ABCC1: variants seen among roughly 807,000 people sequenced by gnomAD.
The protein encoded by ABCC1 is ATP binding cassette subfamily C member 1 (ABCC1 blood group).
A neutral mutation model predicts 172.9 loss-of-function variants in ABCC1; 83 were observed. The observed-to-expected ratio is 0.48, with a 90% CI of 0.40 to 0.58. The LOEUF (loss-of-function observed/expected upper bound fraction) is 0.58. ABCC1 is among the 20% of genes least tolerant of loss of function. ABCC1 has a pLI of 0.00. For synonymous variants in ABCC1, 937 were observed against 825.2 expected (o/e 1.14, Z -2.32); for missense variants, 1,817 against 2,002.7 (o/e 0.91, Z 1.77).
intron 5 of ABCC1, among the ~76,000 whole-genome samples, chr16:16,031,248 C>T (rs893293573): frequency 6.6e-6 from 1 of 152,166 alleles, no homozygotes; most frequent in African/African-American, 2.4e-5. Flanking sequence ...CTTATATCTG[C>T]ACAAGGCTGG....
At chr16:15,995,806 T>A (rs1224244982) in intron 1 of ABCC1, among the ~76,000 whole-genome samples, 1 of 151,858 alleles carries the variant, frequency 6.6e-6, no homozygotes, top group Non-Finnish European at 1.5e-5. Flanking sequence ...TAGCTGGGAC[T>A]AAAGGCAAAC....
intron 1 of ABCC1, among the ~76,000 whole-genome samples, chr16:15,968,113 C>A (rs1453303268): frequency 6.6e-6 from 1 of 152,052 alleles, no homozygotes; most frequent in Non-Finnish European, 1.5e-5. Context: ...CGGCAACCTC[C>A]ACCTCCCAAG....
At chr16:16,131,680 T>G in intron 26 of ABCC1, 109 bp from the exon 27 acceptor site, 2 of 1,337,708 alleles carry the variant, frequency 1.5e-6, no homozygotes, top group Non-Finnish European at 2.0e-6. Flanking sequence ...TGCTGAGGCC[T>G]GGGAGGCCAC....
intron 23 of ABCC1, among the ~76,000 whole-genome samples, chr16:16,117,166 T>C (rs946820395): frequency 2.6e-5 from 4 of 152,128 alleles, no homozygotes; most frequent in Non-Finnish European, 4.4e-5. Flanking sequence ...CAATACTGGG[T>C]AATTTATTAA....
intron 2 of ABCC1, among the ~76,000 whole-genome samples, chr16:16,008,205 C>A (rs182924589): frequency 1.3e-5 from 2 of 152,164 alleles, no homozygotes; most frequent in Admixed American, 1.3e-4. Flanking sequence ...TGGCCTCGAG[C>A]AAATTTTTTA....
chr16:15,979,948 C>A (rs905988372), intron 1 of ABCC1, among the ~76,000 whole-genome samples: 3 of 152,106 alleles, frequency 2.0e-5, no homozygotes, highest in African/African-American at 7.2e-5. Context: ...TGCCACACCC[C>A]AGGAATTCTG....
intron 16 of ABCC1, among the ~76,000 whole-genome samples, chr16:16,080,652 G>A (rs2050770742): frequency 6.6e-6 from 1 of 152,138 alleles, no homozygotes; most frequent in Admixed American, 6.6e-5. Flanking sequence ...AAGAAGCGTG[G>A]GAAATAATGC....
At chr16:16,101,957 C>T (rs1048761584) in intron 19 of ABCC1, among the ~76,000 whole-genome samples, 1 of 152,192 alleles carries the variant, frequency 6.6e-6, no homozygotes, top group African/African-American at 2.4e-5. Flanking sequence ...GGGGTCTCAT[C>T]TGAAGACTCA....
At chr16:15,966,455 C>G (rs1233594985) in intron 1 of ABCC1, among the ~76,000 whole-genome samples, 1 of 150,800 alleles carries the variant, frequency 6.6e-6, no homozygotes, top group African/African-American at 2.4e-5. Context: ...CCTCCATCAG[C>G]CTTGTAAGGC....
intron 10 of ABCC1, among the ~76,000 whole-genome samples, chr16:16,050,982 A>G (rs2049407185): frequency 6.6e-6 from 1 of 152,076 alleles, no homozygotes. Flanking sequence ...AAGTGCTACT[A>G]TGGGAAAAAT....
chr16:15,958,791 G>C (rs2046062661), intron 1 of ABCC1, among the ~76,000 whole-genome samples: 1 of 152,134 alleles, frequency 6.6e-6, no homozygotes, highest in Non-Finnish European at 1.5e-5. Context: ...GTTGAACGGG[G>C]CCTTTGAGGA....
chr16:16,039,307 A>T (rs534734987), intron 7 of ABCC1, among the ~76,000 whole-genome samples: 2 of 106,772 alleles, frequency 1.9e-5, no homozygotes, highest in African/African-American at 3.6e-5. Context: ...TCATTCTGTT[A>T]CCCAGGGTGG....
chr16:15,949,346 C>T (rs1457372213), upstream of ABCC1, among the ~76,000 whole-genome samples: 1 of 152,000 alleles, frequency 6.6e-6, no homozygotes, highest in African/African-American at 2.4e-5. Flanking sequence ...GGGTGTGTGG[C>T]CCCAAAGATC....
intron 22 of ABCC1, among the ~76,000 whole-genome samples, chr16:16,114,168 G>C (rs1243127434): frequency 6.6e-6 from 1 of 152,156 alleles, no homozygotes; most frequent in Non-Finnish European, 1.5e-5. Flanking sequence ...AGTATACTAA[G>C]GGCAAAGGCG....
intron 24 of ABCC1, among the ~76,000 whole-genome samples, chr16:16,123,432 C>T (rs1215050384): frequency 6.6e-6 from 1 of 151,954 alleles, no homozygotes; most frequent in Admixed American, 6.6e-5. Context: ...GTCAGGAGTT[C>T]AAGACCAGCC....
intron 1 of ABCC1, among the ~76,000 whole-genome samples, chr16:15,970,025 A>C (rs897339405): frequency 1.3e-5 from 2 of 152,136 alleles, no homozygotes; most frequent in African/African-American, 4.8e-5. Context: ...CGGTGAGTGC[A>C]ATAGCGGGGT....
chr16:15,989,546 C>T (rs889143967), intron 1 of ABCC1, among the ~76,000 whole-genome samples: 1 of 152,156 alleles, frequency 6.6e-6, no homozygotes, highest in Non-Finnish European at 1.5e-5. Context: ...CTCAGCTTCC[C>T]TTGGCTTCTG....
At chr16:15,993,066 A>G (rs941183947) in intron 1 of ABCC1, among the ~76,000 whole-genome samples, 3 of 152,098 alleles carry the variant, frequency 2.0e-5, no homozygotes, top group Non-Finnish European at 4.4e-5. Flanking sequence ...TTTCCTTCAC[A>G]GCAGGTACTG....
At chr16:15,966,742 C>T (rs932386460) in intron 1 of ABCC1, among the ~76,000 whole-genome samples, 3 of 151,618 alleles carry the variant, frequency 2.0e-5, no homozygotes, top group Non-Finnish European at 2.9e-5. Flanking sequence ...CCTTGAACTC[C>T]TGGCCTCAAG....
Sources: gnomAD v4.1 joint callset for allele counts (sites outside exome capture counted in the v4.1 genomes callset) on GRCh38, gnomAD v4.1.1 for gene constraint, MANE v1.5 for transcripts, NCBI Gene and HGNC (gene_info 2026-07-23, HGNC 2026-07-21) for gene names.